SPPL2A: variants seen among roughly 807,000 people sequenced by gnomAD.
The protein encoded by SPPL2A is signal peptide peptidase like 2A.
SPPL2A carries 51 observed loss-of-function variants against 63.8 expected under a neutral mutation model. That is an observed-to-expected ratio of 0.80 (90% CI 0.64 to 1.01). The LOEUF (loss-of-function observed/expected upper bound fraction) is 1.01, where lower values mean the gene tolerates loss of function less well. Among genes scored for constraint, SPPL2A ranks in the 50% least tolerant of loss-of-function variants. The pLI is 0.00. For missense variants in SPPL2A, 553 were observed against 622.7 expected (o/e 0.89, Z 1.19); for synonymous variants, 188 against 205.8 (o/e 0.91, Z 0.74).
At chr15:50,739,176 T>TC in intron 6 of SPPL2A, among the ~76,000 whole-genome samples, 1 of 149,368 alleles carries the variant, frequency 6.7e-6, no homozygotes, top group East Asian at 2.0e-4. Context: ...CGTACTTTTT[T>TC]TTTTTTTTTT....
intron 1 of SPPL2A, among the ~76,000 whole-genome samples, chr15:50,761,364 C>A (rs891461665): frequency 4.6e-5 from 7 of 152,128 alleles, no homozygotes; most frequent in Non-Finnish European, 8.8e-5. Flanking sequence ...CACCTGCAAC[C>A]CCACACTTTG....
chr15:50,756,184 C>T (rs932805748), intron 1 of SPPL2A, among the ~76,000 whole-genome samples: 2 of 151,308 alleles, frequency 1.3e-5, no homozygotes, highest in Non-Finnish European at 2.9e-5. Context: ...CATGGTGAAA[C>T]CCCGTCCCTA....
Position 50,706,439 on chromosome 15 carries a change from T to G in SPPL2A, c.*1361A>C, listed in dbSNP as rs1345738974. On this transcript the variant is annotated 3_prime_UTR_variant, in exon 15 of 15. Transcript: ENST00000261854. ...AAAACTGAGATACAAGGTCTTGAGATGCGGCAAATTACTCAACTCTTCCTT... is the reference window on the plus strand; with the variant it reads ...AAAACTGAGATACAAGGTCTTGAGAGGCGGCAAATTACTCAACTCTTCCTT... The G allele has an allele frequency of 6.8e-6, 1 of 146,180 alleles. No individual in the cohort carries two copies. Among genetic ancestry groups the G allele is most frequent in the Non-Finnish European group, 1.5e-5 (1 of 66,424 alleles). 9.1% of individuals were successfully genotyped at this position (146,180 alleles called of 1,614,324 possible).
chr15:50,712,113 G>T lies in SPPL2A; in HGVS notation c.1489-4239C>A, dbSNP rs558721710. 1.1e-4 allele frequency among the ~76,000 whole-genome samples: 17 copies of T among 152,314 alleles called. No homozygotes were observed. The South Asian group carries it at 3.3e-3, about 30-fold the overall frequency. ...AAAGACTTTCAATAACATTACCTGA[G>T]AATTTACAGCATAAAGACTACTGTC... On this transcript the variant is annotated intron_variant, in intron 14 of 14. Transcript: ENST00000261854.
intron 5 of SPPL2A, chr15:50,743,229 C>G (rs1186892289): frequency 6.6e-6 from 1 of 152,176 alleles, no homozygotes; most frequent in Admixed American, 6.6e-5. Flanking sequence ...CGGGGTCTCA[C>G]CACTGCACTC....
intron 14 of SPPL2A, among the ~76,000 whole-genome samples, chr15:50,709,740 A>C (rs900468680): frequency 6.6e-6 from 1 of 152,066 alleles, no homozygotes; most frequent in Admixed American, 6.6e-5. Context: ...TGCTGACCCA[A>C]GATCGCGCCA....
At position 50,748,763 on chromosome 15, in the gene SPPL2A, G is replaced by A. The variant is rs2062880228; in HGVS notation, c.285C>T (p.Cys95=). The A allele has an allele frequency of 1.2e-6, 2 of 1,611,470 alleles. No homozygotes were observed. Among genetic ancestry groups the A allele is most frequent in the African/African-American group, 1.3e-5 (1 of 74,704 alleles). The change falls in exon 3 of 15, where the codon TGC becomes TGT. Residue 95 remains cysteine, a synonymous_variant. Coordinates refer to ENST00000261854, the MANE Select transcript of SPPL2A (RefSeq NM_032802.4). ...SKAVVVPWGS[C]HFLEKARIAQ... ...CAATTCTGGCTTTTTCAAGAAAATG[G>A]CAGCTTCCCCATGGAACCACAACTG...
intron 5 of SPPL2A, among the ~76,000 whole-genome samples, chr15:50,745,287 A>C (rs2062849324): frequency 6.6e-6 from 1 of 151,880 alleles, no homozygotes; most frequent in South Asian, 2.1e-4. Context: ...AGTAGCTGGG[A>C]CTACAGGCGC....
At chr15:50,737,093 T>C (rs892043183) in intron 6 of SPPL2A, among the ~76,000 whole-genome samples, 2 of 152,124 alleles carry the variant, frequency 1.3e-5, no homozygotes, top group African/African-American at 4.8e-5. Flanking sequence ...TTTGTAGTTT[T>C]AGTAGACGGG....
chr15:50,759,805 A>G (rs1309917567), intron 1 of SPPL2A, among the ~76,000 whole-genome samples: 1 of 152,182 alleles, frequency 6.6e-6, no homozygotes, highest in Non-Finnish European at 1.5e-5. Context: ...AAATAGCAAA[A>G]GACCTTGGTT....
rs761517067 is a variant in SPPL2A at position 50,705,374 on chromosome 15, C to T, written c.*2426G>A. On this transcript the variant is annotated 3_prime_UTR_variant, in exon 15 of 15. Transcript: ENST00000261854. ...AAAAAAGAAATTAATTATCTCATTTCGATGTAGTAAAAAAAAAATTTTCTT... is the reference window on the plus strand; with the variant it reads ...AAAAAAGAAATTAATTATCTCATTTTGATGTAGTAAAAAAAAAATTTTCTT... The T allele has an allele frequency of 2.7e-5, 4 of 150,548 alleles. No individual in the cohort carries two copies. The highest frequency in any genetic ancestry group is 3.9e-4 in the East Asian group (2 of 5,172). The allele number at this position is 150,548 out of a possible 1,614,324, so 9.3% of individuals were successfully genotyped here. A position where few individuals can be genotyped will look rare whatever the true frequency, so the allele number is the denominator to read the frequency against.
intron 1 of SPPL2A, among the ~76,000 whole-genome samples, chr15:50,764,354 A>C (rs1357900383): frequency 6.6e-6 from 1 of 151,534 alleles, no homozygotes; most frequent in East Asian, 1.9e-4. Flanking sequence ...TTTATATCGA[A>C]CTCCCCTCCC....
intron 8 of SPPL2A, among the ~76,000 whole-genome samples, chr15:50,735,879 A>G (rs962949427): frequency 6.6e-6 from 1 of 152,172 alleles, no homozygotes; most frequent in Admixed American, 6.6e-5. Context: ...ATATTTTTAA[A>G]GTCTATTTCA....
At chr15:50,746,194 C>T (rs1202382739) in intron 5 of SPPL2A, among the ~76,000 whole-genome samples, 1 of 151,908 alleles carries the variant, frequency 6.6e-6, no homozygotes, top group African/African-American at 2.4e-5. Flanking sequence ...AATCCCAACA[C>T]TTTGGGAGGC....
intron 13 of SPPL2A, among the ~76,000 whole-genome samples, chr15:50,720,690 T>G (rs569125713): frequency 6.6e-6 from 1 of 152,098 alleles, no homozygotes; most frequent in African/African-American, 2.4e-5. Context: ...TGGCTAATTT[T>G]GTATTTTTTA....
intron 1 of SPPL2A, among the ~76,000 whole-genome samples, chr15:50,756,353 T>G (rs1288243626): frequency 1.0e-5 from 1 of 95,584 alleles, no homozygotes; most frequent in East Asian, 3.1e-4. Flanking sequence ...TCAGACTCCG[T>G]CTCAAAAAAA....
At chr15:50,765,241 A>C (rs944947495) in intron 1 of SPPL2A, among the ~76,000 whole-genome samples, 4 of 151,082 alleles carry the variant, frequency 2.6e-5, no homozygotes, top group African/African-American at 9.8e-5. Context: ...AATGGGCGGG[A>C]ACCGAGTGGG....
At chr15:50,718,463 A>T (rs969570312) in intron 14 of SPPL2A, among the ~76,000 whole-genome samples, 1 of 152,198 alleles carries the variant, frequency 6.6e-6, no homozygotes. Flanking sequence ...TGTTATTAGC[A>T]TAGTGTATAT....
intron 14 of SPPL2A, among the ~76,000 whole-genome samples, chr15:50,712,267 G>C (rs1403628927): frequency 6.6e-6 from 1 of 152,198 alleles, no homozygotes; most frequent in East Asian, 1.9e-4. Flanking sequence ...ACGGTGAAAG[G>C]TAAATGTGAT....
Sources: allele counts gnomAD v4.1 joint callset (sites outside exome capture counted in the v4.1 genomes callset), GRCh38; gene constraint gnomAD v4.1.1; transcripts MANE v1.5; gene names NCBI Gene and HGNC (gene_info 2026-07-23, HGNC 2026-07-21).